Variants in MDGA2 observed in about 807,000 individuals in gnomAD.
MDGA2 encodes MAM domain containing glycosylphosphatidylinositol anchor 2, also known as MAM domain-containing glycosylphosphatidylinositol anchor protein 2.
MDGA2 carries 40 observed loss-of-function variants against 117.8 expected under a neutral mutation model. The ratio of observed to expected loss-of-function variants is 0.34; its 90% CI spans 0.26 to 0.44. MDGA2 has a LOEUF of 0.44. Among genes scored for constraint, MDGA2 ranks in the 20% least tolerant of loss-of-function variants. The probability of loss-of-function intolerance (pLI) is 1.00; values close to 1 mark genes in which losing one functional copy is unlikely to be tolerated. For missense variants in MDGA2, 1,123 were observed against 1,250.6 expected (o/e 0.90, Z 1.54); for synonymous variants, 452 against 439.0 (o/e 1.03, Z -0.37).
chr14:47,093,566 G>T (rs1186824035), intron 6 of MDGA2, among the ~76,000 whole-genome samples: 1 of 152,028 alleles, frequency 6.6e-6, no homozygotes, highest in Non-Finnish European at 1.5e-5. Context: ...CCTAACTTAT[G>T]AGAAATGTAG....
intron 1 of MDGA2, among the ~76,000 whole-genome samples, chr14:47,377,811 G>A (rs535538212): frequency 6.6e-6 from 1 of 152,302 alleles, no homozygotes; most frequent in Admixed American, 6.5e-5. Flanking sequence ...ACAAAAGGCA[G>A]CAGAAACTTC....
At chr14:47,082,382 G>T (rs1890739846) in intron 6 of MDGA2, among the ~76,000 whole-genome samples, 1 of 150,842 alleles carries the variant, frequency 6.6e-6, no homozygotes, top group South Asian at 2.1e-4. Flanking sequence ...TTTCTTTCAA[G>T]TCATTGTCTA....
chr14:47,110,962 A>T (rs573437388), intron 5 of MDGA2, among the ~76,000 whole-genome samples: 1 of 152,266 alleles, frequency 6.6e-6, no homozygotes, highest in South Asian at 2.1e-4. Flanking sequence ...TTTAAGAAAA[A>T]ATCCTAATTC....
At chr14:46,901,784 C>G (rs900444938) in intron 10 of MDGA2, among the ~76,000 whole-genome samples, 44 of 152,186 alleles carry the variant, frequency 2.9e-4, no homozygotes, top group African/African-American at 1.0e-3. Context: ...GGATGGTGAG[C>G]TGAGCCTGTG....
chr14:47,188,806 A>T (rs767693423), intron 3 of MDGA2, among the ~76,000 whole-genome samples: 4 of 152,174 alleles, frequency 2.6e-5, no homozygotes, highest in Non-Finnish European at 5.9e-5. Flanking sequence ...CAGAGCAAAG[A>T]GATCAAAAAA....
At chr14:47,599,143 C>G (rs1896599326) in intron 1 of MDGA2, among the ~76,000 whole-genome samples, 1 of 151,810 alleles carries the variant, frequency 6.6e-6, no homozygotes. Flanking sequence ...TATGCCTGTC[C>G]TCTTCTAGTA....
At chr14:47,047,030 T>C (rs1329868806) in intron 7 of MDGA2, among the ~76,000 whole-genome samples, 5 of 152,296 alleles carry the variant, frequency 3.3e-5, no homozygotes, top group African/African-American at 1.2e-4. Flanking sequence ...TTCCCTTCAA[T>C]AGACAAATAT....
chr14:46,905,457 A>G lies in MDGA2; in HGVS notation c.2238+14555T>C, dbSNP rs556759913. 1.3e-4 allele frequency among the ~76,000 whole-genome samples: 20 copies of G among 152,276 alleles called. No individual in the cohort carries two copies. The South Asian group carries it at 2.7e-3, about 21-fold the overall frequency. On this transcript the variant is annotated intron_variant, in intron 10 of 16. Transcript: ENST00000399232. ...GTCGTTTTGAGATTGCGTGCAAACT[A>G]TCTCATACATAATTGTTGATACCAA...
intron 8 of MDGA2, among the ~76,000 whole-genome samples, chr14:47,001,642 G>A (rs973698085): frequency 2.0e-5 from 3 of 151,990 alleles, no homozygotes; most frequent in Admixed American, 1.3e-4. Context: ...CTGAACAAAT[G>A]AAACTGCAAA....
chr14:47,309,947 G>C (rs1237065722), intron 1 of MDGA2, among the ~76,000 whole-genome samples: 1 of 151,910 alleles, frequency 6.6e-6, no homozygotes, highest in Non-Finnish European at 1.5e-5. Context: ...ATGATAAAAA[G>C]CAATCATATT....
intron 1 of MDGA2, among the ~76,000 whole-genome samples, chr14:47,440,504 G>T (rs1892985582): frequency 6.6e-6 from 1 of 152,078 alleles, no homozygotes. Context: ...ATACGTAATT[G>T]TTAAACCTAG....
Position 46,882,923 on chromosome 14 carries a change from G to T in MDGA2, c.2239-702C>A, listed in dbSNP as rs886766685. On this transcript the variant is annotated intron_variant, in intron 10 of 16. Coordinates refer to ENST00000399232, the MANE Select transcript of MDGA2 (RefSeq NM_001113498.3). ...AGCGATGGTCTCCTTGAAATAAATG[G>T]TGTCAGAGTAATGAAGATGAAAGTG... is the stretch of plus-strand genomic sequence containing the variant. 9.9e-5 allele frequency among the ~76,000 whole-genome samples: 15 copies of T among 151,706 alleles called. 1 individual carries two copies. Among genetic ancestry groups the T allele is most frequent in the Admixed American group, 9.2e-4 (14 of 15,182 alleles).
intron 1 of MDGA2, among the ~76,000 whole-genome samples, chr14:47,383,515 C>G (rs572618522): frequency 2.0e-5 from 3 of 152,204 alleles, no homozygotes; most frequent in Admixed American, 1.3e-4. Context: ...CACCATTCTT[C>G]TGAATGGAGA....
chr14:47,343,000 C>CAGGGGAA, intron 1 of MDGA2: 1 of 1,154,704 alleles, frequency 8.7e-7, no homozygotes, highest in South Asian at 1.3e-5. Context: ...AGAATGCTAC[C>CAGGGGAA]TCAGGGGAGT....
chr14:47,462,342 C>G (rs1295801325), intron 1 of MDGA2, among the ~76,000 whole-genome samples: 4 of 146,008 alleles, frequency 2.7e-5, no homozygotes, highest in Non-Finnish European at 5.9e-5. Flanking sequence ...TGCCACTGCA[C>G]TCCAGCCTGG....
At chr14:47,352,217 C>T (rs1890898898) in intron 1 of MDGA2, among the ~76,000 whole-genome samples, 1 of 152,250 alleles carries the variant, frequency 6.6e-6, no homozygotes, top group Non-Finnish European at 1.5e-5. Context: ...CGGACAGCCC[C>T]CATTACTTTA....
rs144188175 is a variant in MDGA2 at position 47,166,325 on chromosome 14, C to T, written c.596-22051G>A. ...CTGGGATTACAGGCGTGAGCCATGG[C>T]GCCCCACCACTGTTTACTATTTTAA... On this transcript the variant is annotated intron_variant, in intron 3 of 16. Coordinates refer to ENST00000399232, the MANE Select transcript of MDGA2 (RefSeq NM_001113498.3). Among the ~76,000 whole-genome samples the T allele has an allele frequency of 5.6e-3, 856 of 152,142 alleles. 3 individuals carry two copies. Among genetic ancestry groups the T allele is most frequent in the African/African-American group, 0.019 (807 of 41,520 alleles).
At chr14:47,227,647 C>G (rs1886553608) in intron 2 of MDGA2, among the ~76,000 whole-genome samples, 1 of 148,256 alleles carries the variant, frequency 6.7e-6, no homozygotes, top group Non-Finnish European at 1.5e-5. Context: ...GCCTGAGACA[C>G]AGTAATGATT....
chr14:47,172,844 C>T (rs1254833291), intron 3 of MDGA2, among the ~76,000 whole-genome samples: 4 of 152,122 alleles, frequency 2.6e-5, no homozygotes, highest in Non-Finnish European at 2.9e-5. Flanking sequence ...GACGATCAAA[C>T]TACTCCGAGC....
Sources: allele counts gnomAD v4.1 joint callset (sites outside exome capture counted in the v4.1 genomes callset), GRCh38; gene constraint gnomAD v4.1.1; transcripts MANE v1.5; gene names NCBI Gene and HGNC (gene_info 2026-07-23, HGNC 2026-07-21).